The following MICAL3 variants were observed in gnomAD, a reference collection of about 807,000 sequenced individuals.
The protein encoded by MICAL3 is [F-actin]-monooxygenase MICAL3.
In MICAL3, 62 loss-of-function variants were observed where a neutral mutation model predicts 207.4. That is an observed-to-expected ratio of 0.30 (90% CI 0.24 to 0.37). The LOEUF is 0.37. Among genes scored for constraint, MICAL3 ranks in the 10% least tolerant of loss-of-function variants. The pLI is 1.00. For synonymous variants in MICAL3, 1,077 were observed against 1,069.3 expected, an observed-to-expected ratio of 1.01 and a Z score of -0.14; for missense variants, 2,368 against 2,635.6, an observed-to-expected ratio of 0.90 and a Z score of 2.22.
intron 7 of MICAL3, among the ~76,000 whole-genome samples, chr22:17,897,360 T>C (rs1602172248): frequency 1.4e-5 from 2 of 143,314 alleles, no homozygotes; most frequent in Non-Finnish European, 3.0e-5. Context: ...GAAGCGGAGG[T>C]TGCAGTGAGC....
chr22:17,969,793 C>T (rs906376981), intron 1 of MICAL3, among the ~76,000 whole-genome samples: 22 of 152,194 alleles, frequency 1.4e-4, no homozygotes, highest in Non-Finnish European at 2.4e-4. Flanking sequence ...GCCTCTTTGC[C>T]GACACCCTGG....
chr22:17,790,824 GCGCCACCA>G lies in MICAL3; in HGVS notation c.5909_5916del (p.Leu1970ProfsTer28). 1 of 1,613,788 alleles carries G rather than the reference GCGCCACCA, an allele frequency of 6.2e-7. No individual in the cohort carries two copies. The highest frequency in any genetic ancestry group is 8.5e-7 in the Non-Finnish European group (1 of 1,179,866). ...TCCCGGAGCCGCTGCTCCTCCAGCAGCGCCACCAGTGAGTCTCTCTGCTCCACCACCTC... is the reference window on the plus strand; with the variant it reads ...TCCCGGAGCCGCTGCTCCTCCAGCAGGTGAGTCTCTCTGCTCCACCACCTC... On this transcript the variant is annotated frameshift_variant, in exon 32 of 32. Coordinates refer to ENST00000441493, the MANE Select transcript of MICAL3 (RefSeq NM_015241.3). LOFTEE classifies it high-confidence loss of function.
chr22:17,957,177 G>A (rs1468270904), intron 1 of MICAL3, among the ~76,000 whole-genome samples: 1 of 152,138 alleles, frequency 6.6e-6, no homozygotes, highest in African/African-American at 2.4e-5. Flanking sequence ...GTGGAGTTAG[G>A]TCAAATTGAA....
At chr22:17,806,336 C>T (rs1192162052) in intron 29 of MICAL3, among the ~76,000 whole-genome samples, 1 of 151,980 alleles carries the variant, frequency 6.6e-6, no homozygotes, top group East Asian at 1.9e-4. Context: ...ACACGTTTTG[C>T]TGCGGTATTA....
chr22:17,870,434 TC>T (rs1460289603), intron 17 of MICAL3, among the ~76,000 whole-genome samples: 3 of 152,176 alleles, frequency 2.0e-5, no homozygotes, highest in African/African-American at 7.2e-5. Context: ...ATGGGTCTCA[TC>T]CCCATAGGAC....
chr22:17,850,247 G>A (rs1179886395), intron 19 of MICAL3, among the ~76,000 whole-genome samples: 1 of 152,054 alleles, frequency 6.6e-6, no homozygotes, highest in Non-Finnish European at 1.5e-5. Flanking sequence ...CCAAATGGGA[G>A]GGGGGCCACC....
At chr22:17,922,922 T>C (rs1932833520) in intron 1 of MICAL3, among the ~76,000 whole-genome samples, 1 of 152,156 alleles carries the variant, frequency 6.6e-6, no homozygotes, top group African/African-American at 2.4e-5. Context: ...CTAAACCAGC[T>C]CAGTGGAATG....
In MICAL3 at chr22:17,831,930, CTCT is replaced by C. The variant is rs983059181; in HGVS notation, c.2976_2978del (p.Glu1000del). ...CATATTCTTCCTCCTCCTCCTCCTCCTCTTCATTCCCAGGCCCAAAGCTCTTTG... is the reference window on the plus strand; with the variant it reads ...CATATTCTTCCTCCTCCTCCTCCTCCTCATTCCCAGGCCCAAAGCTCTTTG... On this transcript the variant is annotated inframe_deletion, in exon 21 of 32. Coordinates refer to ENST00000441493, the MANE Select transcript of MICAL3 (RefSeq NM_015241.3). The C allele has an allele frequency of 8.3e-6, 13 of 1,569,980 alleles. No individual in the cohort carries two copies. The African/African-American group carries it at 1.6e-4, about 20-fold the overall frequency.
intron 1 of MICAL3, among the ~76,000 whole-genome samples, chr22:18,021,146 T>TC (rs1569170285): frequency 6.6e-6 from 1 of 152,260 alleles, no homozygotes; most frequent in Admixed American, 6.5e-5. Context: ...CTGGACATTT[T>TC]CCCCCAGTGG....
chr22:17,995,768 C>CA (rs907904376), intron 1 of MICAL3, among the ~76,000 whole-genome samples: 18 of 152,156 alleles, frequency 1.2e-4, no homozygotes, highest in African/African-American at 4.1e-4. Flanking sequence ...CTCGGCCTCT[C>CA]AAAGGGCTGG....
At chr22:17,877,359 A>AGGGAGG (rs1928812332) in intron 16 of MICAL3, among the ~76,000 whole-genome samples, 2 of 114,362 alleles carry the variant, frequency 1.7e-5, no homozygotes, top group East Asian at 2.5e-4. Context: ...TAGGGAGGTT[A>AGGGAGG]TGGAGGTTAG....
At position 18,015,202 on chromosome 22, in the gene MICAL3, T is replaced by C. The variant is rs562943824; in HGVS notation, c.-75+9079A>G. ...CAAGAGGAAAGAAAACCCACACAGC[T>C]TGGATTTATTCAACATAATTGTGAC... On this transcript the variant is annotated intron_variant, in intron 1 of 31. Transcript: ENST00000441493. 3.6e-4 allele frequency among the ~76,000 whole-genome samples: 55 copies of C among 152,242 alleles called. 1 individual carries two copies. In the Middle Eastern group the frequency reaches 0.01, roughly 28 times the overall value.
rs1924674792 is a variant in MICAL3, at chr22:18,024,437, G to GC, written c.-232dup. The GC allele has an allele frequency of 6.6e-6, 1 of 152,112 alleles. No homozygotes were observed. The highest frequency in any genetic ancestry group is 2.1e-4 in the South Asian group (1 of 4,830). 9.4% of individuals were successfully genotyped at this position (152,112 alleles called of 1,614,324 possible). A position where few individuals can be genotyped will look rare whatever the true frequency, so the allele number is the denominator to read the frequency against. On this transcript the variant is annotated 5_prime_UTR_variant, in exon 1 of 32. Transcript: ENST00000441493. ...TTAGCCTCGGGGGCTGCACAGCCCA[G>GC]CCCCCTCGCCCAGGGCCCAGGGGTT...
chr22:17,933,310 A>C (rs1227806600), intron 1 of MICAL3, among the ~76,000 whole-genome samples: 3 of 152,254 alleles, frequency 2.0e-5, no homozygotes, highest in African/African-American at 7.2e-5. Context: ...ACTCAGGATT[A>C]AGAAACTCAC....
At chr22:17,832,179 C>A in intron 20 of MICAL3, 72 bp from the exon 21 acceptor site, 1 of 1,513,552 alleles carries the variant, frequency 6.6e-7, no homozygotes, top group South Asian at 1.2e-5. Flanking sequence ...GGAAGGGCCA[C>A]CATCAGAAAC....
At chr22:17,969,737 G>A (rs369308325) in intron 1 of MICAL3, among the ~76,000 whole-genome samples, 4 of 152,206 alleles carry the variant, frequency 2.6e-5, no homozygotes, top group Non-Finnish European at 4.4e-5. Flanking sequence ...AGAAGCAGCC[G>A]ATGCTGCTAG....
intron 16 of MICAL3, among the ~76,000 whole-genome samples, chr22:17,885,071 T>G (rs1929753323): frequency 6.6e-6 from 1 of 152,204 alleles, no homozygotes; most frequent in Non-Finnish European, 1.5e-5. Flanking sequence ...CCGCCTCTTG[T>G]AAGAAGTCAG....
chr22:17,810,774 T>G lies in MICAL3; in HGVS notation c.5485A>C (p.Thr1829Pro). 2 of 1,613,922 alleles carry G rather than the reference T, an allele frequency of 1.2e-6. No individual in the cohort carries two copies. The highest frequency in any genetic ancestry group is 3.3e-5 in the Admixed American group (2 of 60,010). Residue 1829 changes from threonine (T) to proline (P), a missense_variant, in exon 28 of 32, where the codon ACC (threonine) becomes CCC (proline). Thr to Pro is a conservative substitution (Grantham distance 38). This residue lies in a region of MICAL3 where 1,770 missense variants were observed against 1,863.2 expected (regional missense o/e 0.95). Coordinates refer to ENST00000441493, the MANE Select transcript of MICAL3 (RefSeq NM_015241.3). ...CGAGCTGCCTTTTGCACACGCCGGG[T>G]CAGCTTGGCATTCAGTTCCTCCTCC... ...YTEEELNAKL[T>P]RRVQKAARRQ...
chr22:17,914,093 T>G (rs1932318434), intron 1 of MICAL3, among the ~76,000 whole-genome samples: 1 of 152,130 alleles, frequency 6.6e-6, no homozygotes, highest in Non-Finnish European at 1.5e-5. Flanking sequence ...ATCCAGCAGT[T>G]TATCAATAAA....
Sources: allele counts gnomAD v4.1 joint callset (sites outside exome capture counted in the v4.1 genomes callset), GRCh38; gene constraint gnomAD v4.1.1; regional missense constraint gnomAD v4.1.1; transcripts MANE v1.5; gene names NCBI Gene and HGNC (gene_info 2026-07-23, HGNC 2026-07-21).